SORCS2: variants seen among roughly 807,000 people sequenced by gnomAD.
SORCS2 encodes sortilin related VPS10 domain containing receptor 2.
Under a neutral mutation model 141.6 loss-of-function variants are expected in SORCS2, and 100 were observed. That is an observed-to-expected ratio of 0.71 (90% CI 0.60 to 0.83). SORCS2 has a LOEUF of 0.83. Among genes scored for constraint, SORCS2 ranks in the 40% least tolerant of loss-of-function variants. The probability of loss-of-function intolerance (pLI) is 0.00; values close to 1 mark genes in which losing one functional copy is unlikely to be tolerated. For synonymous variants in SORCS2, 789 were observed against 676.9 expected (o/e 1.17, Z -2.57); for missense variants, 1,646 against 1,560.2 (o/e 1.05, Z -0.93).
At chr4:7,718,433 C>T (rs972335539) in intron 18 of SORCS2, among the ~76,000 whole-genome samples, 3 of 152,008 alleles carry the variant, frequency 2.0e-5, no homozygotes, top group Admixed American at 6.5e-5. Context: ...TTAGGGTCCC[C>T]GCAGAGCAGA....
chr4:7,675,672 C>A (rs1398167984), intron 8 of SORCS2, among the ~76,000 whole-genome samples: 1 of 152,124 alleles, frequency 6.6e-6, no homozygotes, highest in Non-Finnish European at 1.5e-5. Context: ...GGGCTCCAGC[C>A]CTCACCCCCT....
chr4:7,416,490 TCACA>T (rs1322903674), intron 2 of SORCS2, among the ~76,000 whole-genome samples: 1 of 151,972 alleles, frequency 6.6e-6, no homozygotes, highest in Non-Finnish European at 1.5e-5. Context: ...TCATGCACGC[TCACA>T]CAGACACGCA....
At chr4:7,625,257 C>A (rs1453214112) in intron 3 of SORCS2, among the ~76,000 whole-genome samples, 1 of 152,202 alleles carries the variant, frequency 6.6e-6, no homozygotes, top group Non-Finnish European at 1.5e-5. Context: ...TCAGCTCAAG[C>A]CCTGGTGCAG....
intron 2 of SORCS2, among the ~76,000 whole-genome samples, chr4:7,411,202 C>T (rs1053587641): frequency 6.6e-6 from 1 of 151,980 alleles, no homozygotes; most frequent in Admixed American, 6.5e-5. Context: ...GATCCACCCA[C>T]CTTGGCCTCC....
Position 7,703,358 on chromosome 4 carries a change from T to A in SORCS2, c.1747T>A (p.Leu583Met). The change falls in exon 13 of 27, where the codon TTG becomes ATG. Residue 583 changes from leucine to methionine, a missense_variant. Leu to Met is a conservative substitution (Grantham distance 15). Transcript: ENST00000507866. ...IVAIKDTSIP[L>M]KILKFSVDEG... ...GGCCATCAAAGACACCTCCATCCCTTTGAAGATCCTCAAGTAATGGCGTCT... is the reference window on the plus strand; with the variant it reads ...GGCCATCAAAGACACCTCCATCCCTATGAAGATCCTCAAGTAATGGCGTCT... 1 of 1,612,764 alleles carries A rather than the reference T, an allele frequency of 6.2e-7. No individual in the cohort carries two copies. The highest frequency in any genetic ancestry group is 8.5e-7 in the Non-Finnish European group (1 of 1,179,440).
At chr4:7,314,342 T>C (rs4689104) in intron 1 of SORCS2, among the ~76,000 whole-genome samples, 1 of 29,918 alleles carries the variant, frequency 3.3e-5, no homozygotes, top group Non-Finnish European at 8.3e-5. Context: ...ATTTTTTTTA[T>C]TTTTTTTTAT....
intron 3 of SORCS2, among the ~76,000 whole-genome samples, chr4:7,546,692 A>G (rs1274147630): frequency 2.0e-5 from 3 of 152,158 alleles, no homozygotes; most frequent in Non-Finnish European, 4.4e-5. Flanking sequence ...CTGCCGTGGG[A>G]TTCCCACAAG....
intron 2 of SORCS2, among the ~76,000 whole-genome samples, chr4:7,520,442 T>G (rs914047385): frequency 1.3e-5 from 2 of 152,168 alleles, no homozygotes. Context: ...CAGTAAAAGC[T>G]GCAGGCAGGG....
At chr4:7,463,176 A>T (rs1237307422) in intron 2 of SORCS2, among the ~76,000 whole-genome samples, 1 of 152,146 alleles carries the variant, frequency 6.6e-6, no homozygotes, top group African/African-American at 2.4e-5. Context: ...CCTGGTGCTG[A>T]CCACTCTGTT....
chr4:7,596,819 G>A (rs1031133784), intron 3 of SORCS2, among the ~76,000 whole-genome samples: 3 of 152,068 alleles, frequency 2.0e-5, no homozygotes, highest in East Asian at 3.9e-4. Flanking sequence ...GAGGGGCTTG[G>A]ACTGCTCAGG....
chr4:7,464,362 G>T (rs1331942716), intron 2 of SORCS2, among the ~76,000 whole-genome samples: 2 of 152,164 alleles, frequency 1.3e-5, no homozygotes, highest in African/African-American at 4.8e-5. Flanking sequence ...ATGCACTCTA[G>T]GAGAGGCTGC....
intron 3 of SORCS2, among the ~76,000 whole-genome samples, chr4:7,564,631 G>T (rs1714835852): frequency 6.6e-6 from 1 of 152,188 alleles, no homozygotes; most frequent in South Asian, 2.1e-4. Context: ...GAGCGATGAG[G>T]AGCTGGGCCC....
chr4:7,602,386 C>G (rs565324715), intron 3 of SORCS2, among the ~76,000 whole-genome samples: 7 of 151,578 alleles, frequency 4.6e-5, no homozygotes, highest in Admixed American at 3.9e-4. Flanking sequence ...GGAGGGGCTC[C>G]TCACTTCTCA....
chr4:7,401,251 A>T (rs1724575853), intron 2 of SORCS2, among the ~76,000 whole-genome samples: 2 of 151,896 alleles, frequency 1.3e-5, no homozygotes, highest in Admixed American at 1.3e-4. Flanking sequence ...AGATGAATGA[A>T]TGGATTGATG....
intron 1 of SORCS2, among the ~76,000 whole-genome samples, chr4:7,356,559 G>C (rs1721264682): frequency 6.6e-6 from 1 of 152,196 alleles, no homozygotes; most frequent in Admixed American, 6.5e-5. Flanking sequence ...CAGATCCACT[G>C]TGAGGCCCCC....
chr4:7,489,246 G>A (rs1045188624), intron 2 of SORCS2, among the ~76,000 whole-genome samples: 3 of 152,168 alleles, frequency 2.0e-5, no homozygotes, highest in Non-Finnish European at 4.4e-5. Context: ...GTTGCCTAGA[G>A]TCATGTTCTC....
At chr4:7,444,992 G>A (rs907500403) in intron 2 of SORCS2, among the ~76,000 whole-genome samples, 2 of 152,248 alleles carry the variant, frequency 1.3e-5, no homozygotes, top group Non-Finnish European at 2.9e-5. Context: ...GCAACACCCA[G>A]GTGGCCTGAT....
At chr4:7,677,322 G>A (rs545895152) in intron 9 of SORCS2, among the ~76,000 whole-genome samples, 11 of 152,326 alleles carry the variant, frequency 7.2e-5, no homozygotes, top group South Asian at 4.1e-4. Flanking sequence ...CGGCCAGGCC[G>A]CTCACAGGCC....
At chr4:7,667,582 C>G (rs867203057) in intron 8 of SORCS2, among the ~76,000 whole-genome samples, 16 of 152,322 alleles carry the variant, frequency 1.1e-4, no homozygotes, top group African/African-American at 3.4e-4. Context: ...TGCTGGTGCC[C>G]AGGGTGCCAG....
Sources: gnomAD v4.1 joint callset for allele counts (sites outside exome capture counted in the v4.1 genomes callset) on GRCh38, gnomAD v4.1.1 for gene constraint, MANE v1.5 for transcripts, NCBI Gene and HGNC (gene_info 2026-07-23, HGNC 2026-07-21) for gene names.